The following FAM178B variants were observed in gnomAD, a reference collection of about 807,000 sequenced individuals.
FAM178B encodes the protein protein FAM178B.
Under a neutral mutation model 91.7 loss-of-function variants are expected in FAM178B, and 82 were observed. The ratio of observed to expected loss-of-function variants is 0.89; its 90% CI spans 0.75 to 1.07. FAM178B has a LOEUF of 1.07. Among genes scored for constraint, FAM178B ranks in the 50% least tolerant of loss-of-function variants. The probability of loss-of-function intolerance (pLI) is 0.00; values close to 1 mark genes in which losing one functional copy is unlikely to be tolerated. For synonymous variants in FAM178B, 368 were observed against 359.4 expected, an observed-to-expected ratio of 1.02 and a Z score of -0.27; for missense variants, 769 against 846.7, an observed-to-expected ratio of 0.91 and a Z score of 1.14.
chr2:96,927,095 C>G (rs1291907773), intron 9 of FAM178B, among the ~76,000 whole-genome samples: 1 of 152,220 alleles, frequency 6.6e-6, no homozygotes, highest in East Asian at 1.9e-4. Context: ...TCTTGTGGCC[C>G]ATGCATCCAT....
chr2:96,947,935 T>C (rs1263353594), intron 7 of FAM178B, 33 bp from the exon 8 acceptor site: 2 of 1,196,440 alleles, frequency 1.7e-6, no homozygotes, highest in African/African-American at 1.6e-5. Flanking sequence ...AACAAAAACC[T>C]GGTGAGCTGG....
At chr2:96,946,757 G>A (rs879366387) in intron 8 of FAM178B, among the ~76,000 whole-genome samples, 25 of 152,396 alleles carry the variant, frequency 1.6e-4, no homozygotes, top group East Asian at 9.6e-4. Flanking sequence ...CAGGCATGCC[G>A]CAGAGGCGGC....
chr2:96,957,728 C>G (rs2082020207), intron 6 of FAM178B, among the ~76,000 whole-genome samples: 1 of 152,182 alleles, frequency 6.6e-6, no homozygotes. Context: ...TTCTTTGGCT[C>G]TCTCCTTTCT....
chr2:96,882,440 T>G (rs1188624852), intron 14 of FAM178B, among the ~76,000 whole-genome samples: 2 of 150,888 alleles, frequency 1.3e-5, no homozygotes, highest in East Asian at 1.9e-4. Flanking sequence ...GGTGGGCGAG[T>G]GAGGGGGCCC....
chr2:96,975,094 C>CAAAAA (rs34807786), intron 1 of FAM178B, among the ~76,000 whole-genome samples: 10 of 56,248 alleles, frequency 1.8e-4, no homozygotes, highest in East Asian at 8.2e-4. Flanking sequence ...GACTCTGTCT[C>CAAAAA]AAAAAAAAAA....
intron 14 of FAM178B, among the ~76,000 whole-genome samples, chr2:96,893,613 TAAACC>T (rs912314413): frequency 8.5e-5 from 13 of 152,052 alleles, no homozygotes; most frequent in African/African-American, 2.9e-4. Context: ...GCATCCTCCC[TAAACC>T]ATGCTGTAAG....
At chr2:96,980,045 C>T (rs2082341715) in intron 1 of FAM178B, among the ~76,000 whole-genome samples, 1 of 152,088 alleles carries the variant, frequency 6.6e-6, no homozygotes, top group South Asian at 2.1e-4. Flanking sequence ...CCATTCTAGT[C>T]AGCGTGTAAT....
chr2:96,951,265 C>T, intron 7 of FAM178B, 114 bp downstream of exon 7: 1 of 742,628 alleles, frequency 1.3e-6, no homozygotes, highest in East Asian at 2.7e-5. Flanking sequence ...CTGAGCCCAG[C>T]CAAGCAGCAC....
chr2:96,897,256 C>T (rs1050881738), intron 13 of FAM178B, among the ~76,000 whole-genome samples: 4 of 152,120 alleles, frequency 2.6e-5, no homozygotes, highest in Non-Finnish European at 1.5e-5. Context: ...CTGCAGAGTC[C>T]CCAGAACCTA....
intron 1 of FAM178B, among the ~76,000 whole-genome samples, chr2:96,981,740 CAAAAAAAAAAAAAA>C (rs377081384): frequency 2.7e-4 from 5 of 18,720 alleles, no homozygotes; most frequent in Non-Finnish European, 1.6e-4. Flanking sequence ...GACTCCGTCT[CAAAAAAAAAAAAAA>C]AAAAAAAAGA....
intron 1 of FAM178B, among the ~76,000 whole-genome samples, chr2:96,985,169 CCAGT>C (rs2082407405): frequency 6.6e-6 from 1 of 152,148 alleles, no homozygotes; most frequent in Admixed American, 6.6e-5. Context: ...TGAAGGCCCC[CCAGT>C]CAAACAGGAG....
At chr2:96,885,659 A>G (rs1411554855) in intron 14 of FAM178B, among the ~76,000 whole-genome samples, 2 of 152,112 alleles carry the variant, frequency 1.3e-5, no homozygotes, top group East Asian at 3.9e-4. Flanking sequence ...TCCTTGCTGG[A>G]GGGCGGAGGG....
At chr2:96,971,351 GTC>G (rs1290652088) in intron 3 of FAM178B, among the ~76,000 whole-genome samples, 1 of 145,942 alleles carries the variant, frequency 6.9e-6, no homozygotes, top group Non-Finnish European at 1.5e-5. Flanking sequence ...CTGTCTGTCT[GTC>G]TGTCTGTCTC....
At chr2:96,914,140 G>C (rs921201429) in intron 12 of FAM178B, among the ~76,000 whole-genome samples, 1 of 152,256 alleles carries the variant, frequency 6.6e-6, no homozygotes. Context: ...CTCCCGCCCA[G>C]GGAGCTCATA....
At chr2:96,906,102 C>T (rs966959146) in intron 12 of FAM178B, among the ~76,000 whole-genome samples, 1 of 149,804 alleles carries the variant, frequency 6.7e-6, no homozygotes, top group African/African-American at 2.5e-5. Context: ...AACTCCCTAC[C>T]TCAGGTGATC....
chr2:96,924,004 C>G (rs893061042), intron 9 of FAM178B, among the ~76,000 whole-genome samples: 1 of 152,254 alleles, frequency 6.6e-6, no homozygotes, highest in Non-Finnish European at 1.5e-5. Flanking sequence ...CACAACCTAA[C>G]CTCGAAAGTG....
intron 1 of FAM178B, chr2:96,977,879 A>T: frequency 2.3e-6 from 1 of 442,866 alleles, no homozygotes; most frequent in South Asian, 1.6e-5. Flanking sequence ...GCTTCTCAAG[A>T]TCACGAAGCC....
At chr2:96,895,972 G>C (rs1199175887) in intron 13 of FAM178B, among the ~76,000 whole-genome samples, 1 of 152,230 alleles carries the variant, frequency 6.6e-6, no homozygotes, top group East Asian at 1.9e-4. Context: ...CCTTTTGGGA[G>C]GGGGGAGGAA....
At chr2:96,904,246 A>G (rs1246455097) in intron 12 of FAM178B, among the ~76,000 whole-genome samples, 1 of 152,182 alleles carries the variant, frequency 6.6e-6, no homozygotes, top group East Asian at 1.9e-4. Flanking sequence ...CTGTATCCAT[A>G]CAGCTCAGTC....
Sources: gnomAD v4.1 joint callset for allele counts (sites outside exome capture counted in the v4.1 genomes callset) on GRCh38, gnomAD v4.1.1 for gene constraint, MANE v1.5 for transcripts, NCBI Gene and HGNC (gene_info 2026-07-23, HGNC 2026-07-21) for gene names.